GREM1: variants seen among roughly 807,000 people sequenced by gnomAD.
GREM1 encodes gremlin-1.
Under a neutral mutation model 13.1 loss-of-function variants are expected in GREM1, and 6 were observed. That is an observed-to-expected ratio of 0.46 (90% CI 0.25 to 0.91). The LOEUF (loss-of-function observed/expected upper bound fraction) is 0.91. Ranked by LOEUF, GREM1 falls within the 40% of genes least tolerant of loss-of-function variation. The pLI, the probability that GREM1 is intolerant of heterozygous loss-of-function variation, is 0.18. For synonymous variants in GREM1, 98 were observed against 93.7 expected, an observed-to-expected ratio of 1.05 and a Z score of -0.27; for missense variants, 185 against 233.9, an observed-to-expected ratio of 0.79 and a Z score of 1.36.
In GREM1 at chr15:32,740,766, G is replaced by A. The variant is rs117391631; in HGVS notation, c.*9521G>A. 6.6e-6 allele frequency: 1 copy of A among 152,138 alleles called. No homozygotes were observed. 9.4% of individuals were successfully genotyped at this position (152,138 alleles called of 1,614,324 possible). ...AAGGTCATAAAAAAGTGATCCCAAA[G>A]CCTACAGGCATATTATAAGTTGTCA... On this transcript the variant is annotated 3_prime_UTR_variant, in exon 2 of 2. Coordinates refer to ENST00000651154, the MANE Select transcript of GREM1 (RefSeq NM_013372.7).
At chr15:32,724,844 T>C (rs375603833) in intron 1 of GREM1, among the ~76,000 whole-genome samples, 137 of 151,508 alleles carry the variant, frequency 9.0e-4, no homozygotes, top group African/African-American at 3.2e-3. Context: ...TGTGTCCATG[T>C]GTTCTCATTG....
In GREM1 at chr15:32,736,940, A is replaced by C. The variant is rs1258350449; in HGVS notation, c.*5695A>C. 1 of 152,126 alleles carries C rather than the reference A, an allele frequency of 6.6e-6. No individual in the cohort carries two copies. The highest frequency in any genetic ancestry group is 1.5e-5 in the Non-Finnish European group (1 of 68,028). The allele number at this position is 152,126 out of a possible 1,614,324, so 9.4% of individuals were successfully genotyped here. ...CACAAAAAGCCTCATGTGAGTAATA[A>C]ATGTTTCATACTCTCTTGGGGTGTG... is the stretch of plus-strand genomic sequence containing the variant. On this transcript the variant is annotated 3_prime_UTR_variant, in exon 2 of 2. Coordinates refer to ENST00000651154, the MANE Select transcript of GREM1 (RefSeq NM_013372.7).
At position 32,737,592 on chromosome 15, in the gene GREM1, G is replaced by A. The variant is rs955238396; in HGVS notation, c.*6347G>A. On this transcript the variant is annotated 3_prime_UTR_variant, in exon 2 of 2. Coordinates refer to ENST00000651154, the MANE Select transcript of GREM1 (RefSeq NM_013372.7). Reference sequence around the variant, plus strand: ...ATAAAATCACTCAACACACTAGGAAGAGAAGGGAACTTCTTCAACCTCACA... The same window carrying A: ...ATAAAATCACTCAACACACTAGGAAAAGAAGGGAACTTCTTCAACCTCACA... 6.6e-6 allele frequency: 1 copy of A among 152,094 alleles called. No homozygotes were observed. Among genetic ancestry groups the A allele is most frequent in the Non-Finnish European group, 1.5e-5 (1 of 68,030 alleles). 9.4% of individuals were successfully genotyped at this position (152,094 alleles called of 1,614,324 possible).
chr15:32,727,122 A>T (rs1323682066), intron 1 of GREM1, among the ~76,000 whole-genome samples: 1 of 152,202 alleles, frequency 6.6e-6, no homozygotes, highest in Admixed American at 6.5e-5. Flanking sequence ...TATTCCAAAC[A>T]ATAGAAAAAG....
rs997504132 is a variant in GREM1, at chr15:32,740,151, G to A, written c.*8906G>A. 2.0e-5 allele frequency: 3 copies of A among 152,268 alleles called. No homozygotes were observed. Among genetic ancestry groups the A allele is most frequent in the Non-Finnish European group, 4.4e-5 (3 of 68,068 alleles). 9.4% of individuals were successfully genotyped at this position (152,268 alleles called of 1,614,324 possible). On this transcript the variant is annotated 3_prime_UTR_variant, in exon 2 of 2. Coordinates refer to ENST00000651154, the MANE Select transcript of GREM1 (RefSeq NM_013372.7). ...GGGTCTTCTCCTCTGAGGCCCAGCT[G>A]TGAGGACTGGGACAGGTGACTGCTT...
At chr15:32,719,308 C>A (rs910791049) in intron 1 of GREM1, among the ~76,000 whole-genome samples, 1 of 152,234 alleles carries the variant, frequency 6.6e-6, no homozygotes, top group Non-Finnish European at 1.5e-5. Context: ...CTTGGGGGTG[C>A]CCCAGCTTGG....
At position 32,739,119 on chromosome 15, in the gene GREM1, A is replaced by G. The variant is rs931851765; in HGVS notation, c.*7874A>G. ...ATTAGAAAAGAAATAAAATAATTTC[A>G]ATTTTCAGATGACATAATATTGTAT... On this transcript the variant is annotated 3_prime_UTR_variant, in exon 2 of 2. Transcript: ENST00000651154. The G allele has an allele frequency of 2.6e-5, 4 of 152,258 alleles. No individual in the cohort carries two copies. Among genetic ancestry groups the G allele is most frequent in the African/African-American group, 9.6e-5 (4 of 41,466 alleles). The allele number at this position is 152,258 out of a possible 1,614,324, so 9.4% of individuals were successfully genotyped here.
Position 32,739,810 on chromosome 15 carries a change from C to T in GREM1, c.*8565C>T, listed in dbSNP as rs1360688506. 6.6e-6 allele frequency: 1 copy of T among 152,264 alleles called. No individual in the cohort carries two copies. Among genetic ancestry groups the T allele is most frequent in the Admixed American group, 6.5e-5 (1 of 15,288 alleles). 9.4% of individuals were successfully genotyped at this position (152,264 alleles called of 1,614,324 possible). A position where few individuals can be genotyped will look rare whatever the true frequency, so the allele number is the denominator to read the frequency against. Reference sequence around the variant, plus strand: ...ACAGTGCCATGTAGTCAGCAAGAGACTCCCTAGCACTCAGTTTCTCCCAGG... The same window carrying T: ...ACAGTGCCATGTAGTCAGCAAGAGATTCCCTAGCACTCAGTTTCTCCCAGG... On this transcript the variant is annotated 3_prime_UTR_variant, in exon 2 of 2. Transcript: ENST00000651154.
intron 1 of GREM1, among the ~76,000 whole-genome samples, chr15:32,724,789 G>C (rs1224723610): frequency 4.0e-5 from 6 of 150,798 alleles, no homozygotes; most frequent in Non-Finnish European, 7.4e-5. Context: ...CCCTTCCCTA[G>C]CCCCCCACCC....
chr15:32,728,498 T>G (rs990150147), intron 1 of GREM1, among the ~76,000 whole-genome samples: 4 of 151,928 alleles, frequency 2.6e-5, no homozygotes, highest in African/African-American at 9.6e-5. Context: ...AAAGATATCT[T>G]AAATTCAATA....
In GREM1 at chr15:32,739,157, A is replaced by G. The variant is rs1278010837; in HGVS notation, c.*7912A>G. 1 of 152,242 alleles carries G rather than the reference A, an allele frequency of 6.6e-6. No homozygotes were observed. Among genetic ancestry groups the G allele is most frequent in the Non-Finnish European group, 1.5e-5 (1 of 68,048 alleles). 9.4% of individuals were successfully genotyped at this position (152,242 alleles called of 1,614,324 possible). A position where few individuals can be genotyped will look rare whatever the true frequency, so the allele number is the denominator to read the frequency against. On this transcript the variant is annotated 3_prime_UTR_variant, in exon 2 of 2. Coordinates refer to ENST00000651154, the MANE Select transcript of GREM1 (RefSeq NM_013372.7). ...CATAATATTGTATGTAGAAATCCTA[A>G]GGAATTTACAAAAGAACTGCTACCC...
chr15:32,727,494 C>A (rs983958547), intron 1 of GREM1, among the ~76,000 whole-genome samples: 2 of 152,140 alleles, frequency 1.3e-5, no homozygotes, highest in African/African-American at 4.8e-5. Context: ...TGAAACATAT[C>A]TCAAAATAAT....
chr15:32,733,246 CAG>C lies in GREM1; in HGVS notation c.*2004_*2005del, dbSNP rs1461933214. Reference sequence around the variant, plus strand: ...GTCCACATTCTCCAACAATAAAGCACAGAGTGGATTTAATTAAGCACACAAAT... The same window carrying C: ...GTCCACATTCTCCAACAATAAAGCACAGTGGATTTAATTAAGCACACAAAT... On this transcript the variant is annotated 3_prime_UTR_variant, in exon 2 of 2. Coordinates refer to ENST00000651154, the MANE Select transcript of GREM1 (RefSeq NM_013372.7). The C allele has an allele frequency of 1.3e-5, 3 of 225,596 alleles. No homozygotes were observed. Among genetic ancestry groups the C allele is most frequent in the African/African-American group, 6.8e-5 (3 of 44,244 alleles). The allele number at this position is 225,596 out of a possible 1,614,324, so 14.0% of individuals were successfully genotyped here.
chr15:32,730,694 A>G lies in GREM1; in HGVS notation c.4A>G (p.Ser2Gly). ...CTCTGTGCTTCCTTTCTTTAGTATG[A>G]GCCGCACAGCCTACACGGTGGGAGC... M[S>G]RTAYTVGALL... The change falls in exon 2 of 2, where the codon AGC becomes GGC. Residue 2 changes from serine (S) to glycine (G), a missense_variant. Ser to Gly is a moderately conservative substitution (Grantham distance 56). Coordinates refer to ENST00000651154, the MANE Select transcript of GREM1 (RefSeq NM_013372.7). 2 of 1,532,246 alleles carry G rather than the reference A, an allele frequency of 1.3e-6. No homozygotes were observed. Among genetic ancestry groups the G allele is most frequent in the Non-Finnish European group, 1.7e-6 (2 of 1,143,642 alleles). The allele number at this position is 1,532,246 out of a possible 1,614,324, so 94.9% of individuals were successfully genotyped here.
intron 1 of GREM1, among the ~76,000 whole-genome samples, chr15:32,724,292 G>C (rs943750169): frequency 1.3e-5 from 2 of 152,224 alleles, no homozygotes; most frequent in African/African-American, 4.8e-5. Flanking sequence ...TACATTCCCA[G>C]TTAGTCTCAG....
rs1054831320 is a variant in GREM1, at chr15:32,744,601, G to A, written c.*13356G>A. 1.1e-4 allele frequency: 16 copies of A among 149,976 alleles called. No individual in the cohort carries two copies. Among genetic ancestry groups the A allele is most frequent in the Non-Finnish European group, 1.3e-4 (9 of 67,568 alleles). The allele number at this position is 149,976 out of a possible 1,614,324, so 9.3% of individuals were successfully genotyped here. On this transcript the variant is annotated 3_prime_UTR_variant, in exon 2 of 2. Transcript: ENST00000651154. ...AAAAAAAAAAAAAAAGAAAGTTTCA[G>A]ATATTATTGTTTATTGCTTTTAATC... is the stretch of plus-strand genomic sequence containing the variant.
In GREM1 at chr15:32,744,197, C is replaced by A. The variant is rs932485772; in HGVS notation, c.*12952C>A. On this transcript the variant is annotated 3_prime_UTR_variant, in exon 2 of 2. Transcript: ENST00000651154. ...CTCAGTTACATGAATCAATAAATTC[C>A]ATTTTTGGCTTAGCTTCTATTGGGT... 6.6e-6 allele frequency: 1 copy of A among 151,958 alleles called. No homozygotes were observed. Among genetic ancestry groups the A allele is most frequent in the South Asian group, 2.1e-4 (1 of 4,818 alleles). The allele number at this position is 151,958 out of a possible 1,614,324, so 9.4% of individuals were successfully genotyped here.
In GREM1 at chr15:32,731,419, G is replaced by C; in HGVS notation, c.*174G>C. ...TGTGCATGAGTGTGGATGGGTGCCT[G>C]TGGGTGTTTTTAGACACCAGAGAAA... is the stretch of plus-strand genomic sequence containing the variant. On this transcript the variant is annotated 3_prime_UTR_variant, in exon 2 of 2. Transcript: ENST00000651154. 1 of 619,472 alleles carries C rather than the reference G, an allele frequency of 1.6e-6. No individual in the cohort carries two copies. The allele number at this position is 619,472 out of a possible 1,614,324, so 38.4% of individuals were successfully genotyped here. A position where few individuals can be genotyped will look rare whatever the true frequency, so the allele number is the denominator to read the frequency against.
At position 32,736,269 on chromosome 15, in the gene GREM1, C is replaced by A. The variant is rs560450531; in HGVS notation, c.*5024C>A. On this transcript the variant is annotated 3_prime_UTR_variant, in exon 2 of 2. Coordinates refer to ENST00000651154, the MANE Select transcript of GREM1 (RefSeq NM_013372.7). ...GGCAATTGATTCTCTTTGTGGCTGC[C>A]TGGGGTAATGTATAACAGTTGGGGA... 1.3e-5 allele frequency: 2 copies of A among 152,200 alleles called. No homozygotes were observed. Among genetic ancestry groups the A allele is most frequent in the East Asian group, 3.9e-4 (2 of 5,180 alleles). The allele number at this position is 152,200 out of a possible 1,614,324, so 9.4% of individuals were successfully genotyped here.
Sources: allele counts gnomAD v4.1 joint callset (sites outside exome capture counted in the v4.1 genomes callset), GRCh38; gene constraint gnomAD v4.1.1; transcripts MANE v1.5; gene names NCBI Gene and HGNC (gene_info 2026-07-23, HGNC 2026-07-21).